MPPED2: variants seen among roughly 807,000 people sequenced by gnomAD.
MPPED2 encodes the protein metallophosphoesterase domain containing 2.
A neutral mutation model predicts 33.0 loss-of-function variants in MPPED2; 5 were observed. The ratio of observed to expected loss-of-function variants is 0.15; its 90% CI spans 0.08 to 0.32. MPPED2 has a LOEUF of 0.32. Among genes scored for constraint, MPPED2 ranks in the 10% least tolerant of loss-of-function variants. The pLI is 1.00. For synonymous variants in MPPED2, 136 were observed against 141.9 expected (o/e 0.96, Z 0.29); for missense variants, 275 against 372.1 (o/e 0.74, Z 2.15).
intron 2 of MPPED2, among the ~76,000 whole-genome samples, chr11:30,550,929 T>G (rs1320681578): frequency 6.6e-6 from 1 of 152,226 alleles, no homozygotes; most frequent in African/African-American, 2.4e-5. Context: ...CAAAGAAAGT[T>G]AACTACTTTG....
At chr11:30,416,225 T>C (rs1379215357) in intron 5 of MPPED2, among the ~76,000 whole-genome samples, 1 of 152,232 alleles carries the variant, frequency 6.6e-6, no homozygotes, top group African/African-American at 2.4e-5. Context: ...CCTGTGCAAA[T>C]CTATATAATT....
intron 4 of MPPED2, among the ~76,000 whole-genome samples, chr11:30,430,318 A>G (rs1197631621): frequency 6.6e-6 from 1 of 152,218 alleles, no homozygotes; most frequent in African/African-American, 2.4e-5. Context: ...TGCGAAACAC[A>G]CATCATATTT....
At chr11:30,579,839 A>C (rs1302163811) in intron 2 of MPPED2, among the ~76,000 whole-genome samples, 1 of 152,148 alleles carries the variant, frequency 6.6e-6, no homozygotes, top group Non-Finnish European at 1.5e-5. Context: ...AAAAAAAAAA[A>C]AAACTACAGA....
At chr11:30,542,093 G>T (rs1451912289) in intron 2 of MPPED2, among the ~76,000 whole-genome samples, 2 of 152,146 alleles carry the variant, frequency 1.3e-5, no homozygotes, top group Admixed American at 6.5e-5. Flanking sequence ...CAGAATTACA[G>T]AACTTTTATG....
chr11:30,385,285 T>C (rs1231489214), exon 7 of MPPED2: 1 of 152,224 alleles, frequency 6.6e-6, no homozygotes, highest in Admixed American at 6.5e-5. Flanking sequence ...AGGTAGGGAA[T>C]GCAATCAATG....
Position 30,580,433 on chromosome 11 carries a change from C to A in MPPED2, c.-60G>T. ...TTACAGAGCAAAAGATGGAAGCAGG[C>A]ATGGTGCGTTTCAGCCAACCTCTGA... On this transcript the variant is annotated 5_prime_UTR_variant, in exon 2 of 7. It removes an upstream start codon present in the reference 5' UTR. Transcript: ENST00000358117. 1 of 1,595,270 alleles carries A rather than the reference C, an allele frequency of 6.3e-7. No individual in the cohort carries two copies. Among genetic ancestry groups the A allele is most frequent in the East Asian group, 2.2e-5 (1 of 44,458 alleles).
intron 4 of MPPED2, among the ~76,000 whole-genome samples, chr11:30,455,685 T>A (rs1409382577): frequency 6.6e-6 from 1 of 152,234 alleles, no homozygotes; most frequent in Admixed American, 6.5e-5. Context: ...GTGCGCTTCA[T>A]CAACGGTGTA....
At chr11:30,543,353 A>C (rs1955233653) in intron 2 of MPPED2, among the ~76,000 whole-genome samples, 1 of 152,136 alleles carries the variant, frequency 6.6e-6, no homozygotes, top group Admixed American at 6.5e-5. Context: ...TACATATATC[A>C]TCAATCAGCT....
chr11:30,404,174 A>G (rs906861512), intron 6 of MPPED2, among the ~76,000 whole-genome samples: 22 of 152,216 alleles, frequency 1.4e-4, no homozygotes, highest in African/African-American at 5.3e-4. Context: ...GACCAAAGTC[A>G]CCCTTCAATA....
intron 2 of MPPED2, among the ~76,000 whole-genome samples, chr11:30,558,683 A>G (rs1270037662): frequency 6.6e-6 from 1 of 151,784 alleles, no homozygotes; most frequent in East Asian, 1.9e-4. Context: ...TGGCCTCCCA[A>G]AGTGCTGGGA....
chr11:30,407,238 CAGA>C (rs1436225027), downstream of MPPED2, among the ~76,000 whole-genome samples: 1 of 152,160 alleles, frequency 6.6e-6, no homozygotes, highest in African/African-American at 2.4e-5. Context: ...GTGTGAAAAA[CAGA>C]AAAGAATTCA....
intron 4 of MPPED2, 24 bp downstream of exon 4, chr11:30,495,272 A>G: frequency 6.5e-7 from 1 of 1,545,954 alleles, no homozygotes. Flanking sequence ...AGCAATGTGG[A>G]AAACTGTTTG....
intron 3 of MPPED2, among the ~76,000 whole-genome samples, chr11:30,524,937 A>T (rs1044646731): frequency 6.6e-6 from 1 of 152,204 alleles, no homozygotes; most frequent in African/African-American, 2.4e-5. Flanking sequence ...GGAATGATTA[A>T]GATAAAACCA....
intron 3 of MPPED2, among the ~76,000 whole-genome samples, chr11:30,521,122 T>A (rs1261595533): frequency 6.6e-6 from 1 of 152,224 alleles, no homozygotes; most frequent in Admixed American, 6.5e-5. Flanking sequence ...AATAGTTAGC[T>A]GTAATTTATG....
At chr11:30,574,018 A>T (rs1466635694) in intron 2 of MPPED2, among the ~76,000 whole-genome samples, 1 of 152,192 alleles carries the variant, frequency 6.6e-6, no homozygotes, top group Non-Finnish European at 1.5e-5. Context: ...GTATAAAGTA[A>T]AAAAGCTACA....
At chr11:30,445,807 T>A (rs999251832) in intron 4 of MPPED2, among the ~76,000 whole-genome samples, 2 of 152,250 alleles carry the variant, frequency 1.3e-5, no homozygotes, top group African/African-American at 4.8e-5. Flanking sequence ...TAAGGCTGAT[T>A]AATATTCCAT....
At chr11:30,441,888 T>C (rs1480824150) in intron 4 of MPPED2, among the ~76,000 whole-genome samples, 1 of 152,170 alleles carries the variant, frequency 6.6e-6, no homozygotes, top group Non-Finnish European at 1.5e-5. Context: ...TCACAACCCA[T>C]GAAACTGCTC....
intron 4 of MPPED2, among the ~76,000 whole-genome samples, chr11:30,494,949 A>G (rs544625): frequency 0.39 from 59,748 of 151,838 alleles, 12,803 homozygotes; most frequent in African/African-American, 0.57. Context: ...GAGGATGTGC[A>G]TAGGTTATAT....
chr11:30,394,576 G>A (rs763860323), intron 6 of MPPED2, among the ~76,000 whole-genome samples: 3 of 152,172 alleles, frequency 2.0e-5, no homozygotes, highest in Middle Eastern at 6.8e-3. Context: ...ATCCTCTTTG[G>A]TTATGTGTTT....
Sources: gnomAD v4.1 joint callset for allele counts (sites outside exome capture counted in the v4.1 genomes callset) on GRCh38, gnomAD v4.1.1 for gene constraint, MANE v1.5 for transcripts, NCBI Gene and HGNC (gene_info 2026-07-23, HGNC 2026-07-21) for gene names.